The following RYR3 variants were observed in gnomAD, a reference collection of about 807,000 sequenced individuals.
The protein encoded by RYR3 is brain ryanodine receptor-calcium release channel.
Under a neutral mutation model 584.3 loss-of-function variants are expected in RYR3, and 207 were observed. The observed-to-expected ratio is 0.35, with a 90% CI of 0.32 to 0.40. The LOEUF (loss-of-function observed/expected upper bound fraction) is 0.40, where lower values mean the gene tolerates loss of function less well. Among genes scored for constraint, RYR3 ranks in the 10% least tolerant of loss-of-function variants. The pLI, the probability that RYR3 is intolerant of heterozygous loss-of-function variation, is 1.00. For synonymous variants in RYR3, 2,416 were observed against 2,248.5 expected (o/e 1.07, Z -2.11); for missense variants, 5,616 against 6,089.2 (o/e 0.92, Z 2.59).
intron 18 of RYR3, among the ~76,000 whole-genome samples, chr15:33,610,377 C>T (rs370565594): frequency 1.3e-5 from 2 of 152,218 alleles, no homozygotes; most frequent in East Asian, 3.9e-4. Context: ...CATTATTTAT[C>T]GTATTATTTT....
intron 3 of RYR3, among the ~76,000 whole-genome samples, chr15:33,507,594 C>T (rs1043618667): frequency 3.3e-5 from 5 of 152,204 alleles, no homozygotes; most frequent in Admixed American, 6.5e-5. Flanking sequence ...CCTACAGTGT[C>T]TACCAACCTT....
At chr15:33,409,982 G>A (rs541497803) in intron 1 of RYR3, among the ~76,000 whole-genome samples, 158 of 152,262 alleles carry the variant, frequency 1.0e-3, no homozygotes, top group African/African-American at 3.7e-3. Context: ...CCCTCACTTC[G>A]AGCAGCTCAA....
At chr15:33,672,984 A>G (rs1054902375) in intron 38 of RYR3, among the ~76,000 whole-genome samples, 1 of 152,216 alleles carries the variant, frequency 6.6e-6, no homozygotes, top group African/African-American at 2.4e-5. Flanking sequence ...AGGTACGTAA[A>G]GTGAGTAAAG....
At chr15:33,842,967 A>G (rs1840455237) in intron 91 of RYR3, among the ~76,000 whole-genome samples, 5 of 151,988 alleles carry the variant, frequency 3.3e-5, no homozygotes. Context: ...TTTTTTTTTA[A>G]ATCAACATTT....
At chr15:33,779,464 G>C (rs536773804) in intron 64 of RYR3, among the ~76,000 whole-genome samples, 2 of 152,232 alleles carry the variant, frequency 1.3e-5, no homozygotes, top group South Asian at 4.1e-4. Flanking sequence ...TGTTTCTGTT[G>C]TAAGGGCAGG....
In RYR3 at chr15:33,692,258, G is replaced by A. The variant is rs112305172; in HGVS notation, c.5861-3960G>A. On this transcript the variant is annotated intron_variant, in intron 38 of 103. Transcript: ENST00000634891. ...ATTAAAATCTGAAGAATTTTTAGTA[G>A]CATTGCTTGCTAGGGGTATAAAGCT... Among the ~76,000 whole-genome samples the A allele has an allele frequency of 2.9e-3, 437 of 152,326 alleles. 4 individuals are homozygous for A. Among genetic ancestry groups the A allele is most frequent in the African/African-American group, 0.01 (424 of 41,582 alleles).
Position 33,562,911 on chromosome 15 carries a change from A to T in RYR3, c.1047A>T (p.Gly349=), listed in dbSNP as rs1488433726. Residue 349 remains glycine, a synonymous_variant, in exon 11 of 104, where the codon GGA becomes GGT. Transcript: ENST00000634891. ...TGGGAGTTCCAGAAATCAAGTATGG[A>T]GATTCTGTCTGCTTTGTGCAGCATA... The part of the protein sequence containing the change: ...EGMGVPEIKY[G]DSVCFVQHIA... 1.9e-6 allele frequency: 3 copies of T among 1,613,744 alleles called. 1 individual carries two copies. In the South Asian group the frequency reaches 3.3e-5, roughly 18 times the overall value.
At chr15:33,748,957 A>G (rs370042487) in intron 55 of RYR3, among the ~76,000 whole-genome samples, 1 of 152,270 alleles carries the variant, frequency 6.6e-6, no homozygotes, top group Admixed American at 6.5e-5. Context: ...TCCTAACACA[A>G]TGTGAATTCT....
intron 2 of RYR3, among the ~76,000 whole-genome samples, chr15:33,502,114 G>A (rs762938751): frequency 3.3e-5 from 5 of 152,080 alleles, no homozygotes; most frequent in Admixed American, 6.6e-5. Context: ...GAAAATGTAC[G>A]TCACCCAGAG....
At chr15:33,735,478 G>GA (rs1437456298) in intron 48 of RYR3, among the ~76,000 whole-genome samples, 1 of 152,146 alleles carries the variant, frequency 6.6e-6, no homozygotes, top group East Asian at 1.9e-4. Context: ...GGCAATAGTG[G>GA]AAAAAATCCA....
chr15:33,571,923 T>C (rs750255968), intron 12 of RYR3, among the ~76,000 whole-genome samples: 18 of 152,192 alleles, frequency 1.2e-4, no homozygotes, highest in Non-Finnish European at 2.2e-4. Context: ...TTCTCTAGTG[T>C]AACATTTTAA....
intron 12 of RYR3, among the ~76,000 whole-genome samples, chr15:33,576,414 C>T (rs535074316): frequency 5.0e-4 from 76 of 152,302 alleles, no homozygotes; most frequent in Middle Eastern, 6.8e-3. Context: ...AAAAGCTTAT[C>T]TAGCATGATC....
At chr15:33,497,051 G>A (rs914074398) in intron 2 of RYR3, among the ~76,000 whole-genome samples, 2 of 152,072 alleles carry the variant, frequency 1.3e-5, no homozygotes, top group African/African-American at 2.4e-5. Flanking sequence ...TGGCTAATAC[G>A]GGAAAGGACA....
rs577999387 is a variant in RYR3, at chr15:33,562,956, G to A, written c.1092G>A (p.Val364=). ...FVQHIASGLW[V]TYKAQDAKTS... is the part of the protein sequence containing the mutation. The stretch of plus-strand genomic sequence containing the variant: ...AGCATATAGCCAGTGGTCTGTGGGT[G>A]ACCTACAAAGCACAAGACGCCAAAA... The change falls in exon 11 of 104, where the codon GTG becomes GTA. Residue 364 remains valine, a synonymous_variant. Transcript: ENST00000634891. 1.6e-4 allele frequency: 262 copies of A among 1,613,374 alleles called. No homozygotes were observed. The South Asian group carries it at 1.9e-3, about 12-fold the overall frequency.
intron 63 of RYR3, 72 bp from the exon 64 acceptor site, chr15:33,773,462 T>C (rs2073762884): frequency 9.4e-7 from 1 of 1,067,794 alleles, no homozygotes; most frequent in African/African-American, 1.6e-5. Flanking sequence ...CATGCATTTT[T>C]TTTTTCCTCT....
At chr15:33,631,097 C>A (rs868449522) in intron 22 of RYR3, 113 bp from the exon 23 acceptor site, 1 of 648,596 alleles carries the variant, frequency 1.5e-6, no homozygotes, top group Non-Finnish European at 2.7e-6. Context: ...AGTCTACTGA[C>A]CCCTGGGCTA....
rs866120883 is a variant in RYR3 at position 33,791,375 on chromosome 15, C to G, written c.9830+2917C>G. On this transcript the variant is annotated intron_variant, in intron 67 of 103. Coordinates refer to ENST00000634891, the MANE Select transcript of RYR3 (RefSeq NM_001036.6). ...AGACTGTGTGTGACACACACACACA[C>G]ACACACACCCCTACATTCGGAGAGA... Among the ~76,000 whole-genome samples the G allele has an allele frequency of 3.0e-3, 464 of 152,224 alleles. 3 individuals are homozygous for G. In the Middle Eastern group the frequency reaches 0.037, roughly 12 times the overall value.
intron 67 of RYR3, among the ~76,000 whole-genome samples, chr15:33,792,856 A>G (rs2075244441): frequency 6.6e-6 from 1 of 152,144 alleles, no homozygotes; most frequent in African/African-American, 2.4e-5. Context: ...GTCCAAGTCC[A>G]TTCTCCAGTT....
intron 3 of RYR3, among the ~76,000 whole-genome samples, chr15:33,507,299 T>C (rs2052564945): frequency 6.6e-6 from 1 of 152,228 alleles, no homozygotes; most frequent in African/African-American, 2.4e-5. Context: ...TATTTAAATG[T>C]CATTAGCTGC....
Sources: gnomAD v4.1 joint callset for allele counts (sites outside exome capture counted in the v4.1 genomes callset) on GRCh38, gnomAD v4.1.1 for gene constraint, MANE v1.5 for transcripts, NCBI Gene and HGNC (gene_info 2026-07-23, HGNC 2026-07-21) for gene names.